The following NAALADL2 variants were observed in gnomAD, a reference collection of about 807,000 sequenced individuals.
The protein encoded by NAALADL2 is N-acetylated alpha-linked acidic dipeptidase like 2.
In NAALADL2, 76 loss-of-function variants were observed where a neutral mutation model predicts 87.2. The ratio of observed to expected loss-of-function variants is 0.87; its 90% CI spans 0.72 to 1.05. The LOEUF (loss-of-function observed/expected upper bound fraction) is 1.05, where lower values mean the gene tolerates loss of function less well. Ranked by LOEUF, NAALADL2 falls within the 50% of genes least tolerant of loss-of-function variation. The pLI is 0.00. For synonymous variants in NAALADL2, 354 were observed against 331.0 expected (o/e 1.07, Z -0.75); for missense variants, 1,089 against 945.8 (o/e 1.15, Z -1.99).
intron 5 of NAALADL2, among the ~76,000 whole-genome samples, chr3:175,380,213 AAAAT>A (rs1767631191): frequency 1.3e-5 from 2 of 152,156 alleles, no homozygotes; most frequent in African/African-American, 4.8e-5. Flanking sequence ...AATAATTAAA[AAAAT>A]AAATTAATTA....
At chr3:175,271,525 C>T (rs978666936) in intron 4 of NAALADL2, among the ~76,000 whole-genome samples, 1 of 152,178 alleles carries the variant, frequency 6.6e-6, no homozygotes, top group African/African-American at 2.4e-5. Flanking sequence ...GGTGTGGTGG[C>T]TCACATCTGT....
At chr3:175,199,856 ATATATATATTTTTTTTTTT>A (rs1395698296) in intron 2 of NAALADL2, among the ~76,000 whole-genome samples, 41 of 19,428 alleles carry the variant, frequency 2.1e-3, no homozygotes, top group Non-Finnish European at 2.9e-3. Context: ...ATATATATAT[ATATATATATTTTTTTTTTT>A]TTTTTTTTTT....
chr3:175,002,223 C>G (rs1748345245), intron 1 of NAALADL2, among the ~76,000 whole-genome samples: 1 of 152,006 alleles, frequency 6.6e-6, no homozygotes, highest in South Asian at 2.1e-4. Context: ...TTGCAGATAC[C>G]CCTATGGGTA....
rs1408169414 is a variant in NAALADL2, at chr3:175,011,272, C to CAG, written c.44-85512_44-85511dup. On this transcript the variant is annotated intron_variant, in intron 1 of 13. Coordinates refer to ENST00000454872, the MANE Select transcript of NAALADL2 (RefSeq NM_207015.3). Reference sequence around the variant, plus strand: ...AGAGACAGAGAGAGAGGGAGAGAGACAGAGAGACAGAGAGAGAGAGAGAGA... The same window carrying CAG: ...AGAGACAGAGAGAGAGGGAGAGAGACAGAGAGAGACAGAGAGAGAGAGAGAGA... Among the ~76,000 whole-genome samples, 996 of 110,242 alleles carry CAG rather than the reference C, an allele frequency of 9.0e-3. 24 individuals carry two copies. Among genetic ancestry groups the CAG allele is most frequent in the African/African-American group, 0.027 (868 of 31,970 alleles). The allele number at this position is 110,242 out of a possible 152,430, so 72.3% of individuals were successfully genotyped here.
intron 1 of NAALADL2, among the ~76,000 whole-genome samples, chr3:174,895,942 T>A (rs922847936): frequency 3.9e-5 from 6 of 151,992 alleles, no homozygotes; most frequent in African/African-American, 1.4e-4. Context: ...AAGAAAAAAA[T>A]ATGATTATTC....
intron 3 of NAALADL2, among the ~76,000 whole-genome samples, chr3:174,799,365 A>C (rs774317142): frequency 1.2e-3 from 181 of 151,974 alleles, no homozygotes; most frequent in Non-Finnish European, 2.2e-3. Context: ...ACTTGGTGGG[A>C]GGTAACTGAA....
chr3:174,529,716 C>A (rs1721070144), intron 1 of NAALADL2, among the ~76,000 whole-genome samples: 1 of 152,192 alleles, frequency 6.6e-6, no homozygotes, highest in South Asian at 2.1e-4. Flanking sequence ...AGGCTGACAC[C>A]ATGTGGAAGC....
At chr3:175,325,220 T>C (rs113711590) in intron 5 of NAALADL2, among the ~76,000 whole-genome samples, 1,660 of 152,340 alleles carry the variant, frequency 0.011, 10 homozygotes, top group African/African-American at 0.023. Flanking sequence ...CTGCCTATTC[T>C]ATGTTAACTT....
chr3:174,684,330 G>T (rs531664723), intron 2 of NAALADL2, among the ~76,000 whole-genome samples: 2 of 152,082 alleles, frequency 1.3e-5, no homozygotes, highest in Non-Finnish European at 2.9e-5. Flanking sequence ...ATTATTAAAA[G>T]AATAAGTAAC....
Position 174,719,219 on chromosome 3 carries a change from C to T in NAALADL2, c.-114-18422C>T, listed in dbSNP as rs116068996. Among the ~76,000 whole-genome samples, 939 of 152,276 alleles carry T rather than the reference C, an allele frequency of 6.2e-3. 6 individuals are homozygous for T. Among genetic ancestry groups the T allele is most frequent in the African/African-American group, 0.021 (890 of 41,560 alleles). On this transcript the variant is annotated intron_variant, in intron 2 of 3. Coordinates refer to the NAALADL2 transcript ENST00000434257. Reference sequence around the variant, plus strand: ...AGAAATTAACATTTGTACCACCTCTCATATAGATGGCACTAGGTAACATTA... The same window carrying T: ...AGAAATTAACATTTGTACCACCTCTTATATAGATGGCACTAGGTAACATTA...
intron 1 of NAALADL2, among the ~76,000 whole-genome samples, chr3:174,883,111 G>C (rs112278932): frequency 0.015 from 2,338 of 152,026 alleles, 59 homozygotes; most frequent in African/African-American, 0.054. Flanking sequence ...GGCTAGACCA[G>C]TGTATCTTTT....
intron 2 of NAALADL2, among the ~76,000 whole-genome samples, chr3:174,734,964 T>G (rs1733054332): frequency 2.0e-5 from 3 of 152,272 alleles, no homozygotes; most frequent in Admixed American, 6.5e-5. Flanking sequence ...GGGTAAGAAT[T>G]TTTTTCTAGT....
At chr3:174,894,507 T>C (rs1731246476) in intron 1 of NAALADL2, among the ~76,000 whole-genome samples, 1 of 146,246 alleles carries the variant, frequency 6.8e-6, no homozygotes, top group Non-Finnish European at 1.5e-5. Flanking sequence ...GGCACGAGGA[T>C]CGCTTGGACC....
At chr3:175,726,751 C>G (rs1247934449) in intron 11 of NAALADL2, among the ~76,000 whole-genome samples, 1 of 152,066 alleles carries the variant, frequency 6.6e-6, no homozygotes, top group Non-Finnish European at 1.5e-5. Context: ...AGGGAGTACC[C>G]AAACTAGGAT....
intron 5 of NAALADL2, among the ~76,000 whole-genome samples, chr3:175,334,324 C>G (rs1286079413): frequency 6.6e-6 from 1 of 152,050 alleles, no homozygotes; most frequent in African/African-American, 2.4e-5. Flanking sequence ...CTGATAGCTT[C>G]AATTCCAACC....
In NAALADL2 at chr3:174,795,296, C is replaced by T. The variant is rs529662659; in HGVS notation, c.-9+57550C>T. On this transcript the variant is annotated intron_variant, in intron 3 of 3. Transcript: ENST00000434257. ...ACAGGCATCAGCCACCACACCCGGCCTTCTAGTCCAGCATTTTTAATATGA... is the reference window on the plus strand; with the variant it reads ...ACAGGCATCAGCCACCACACCCGGCTTTCTAGTCCAGCATTTTTAATATGA... Among the ~76,000 whole-genome samples, 34 of 152,030 alleles carry T rather than the reference C, an allele frequency of 2.2e-4. No individual in the cohort carries two copies. The East Asian group carries it at 4.8e-3, about 22-fold the overall frequency.
chr3:174,606,379 A>G (rs943568976), intron 2 of NAALADL2, among the ~76,000 whole-genome samples: 1 of 152,198 alleles, frequency 6.6e-6, no homozygotes, highest in Non-Finnish European at 1.5e-5. Context: ...TCTGAGCTAC[A>G]GGAGCAAATT....
chr3:174,849,235 C>G (rs1560284639), intron 3 of NAALADL2, among the ~76,000 whole-genome samples: 1 of 151,990 alleles, frequency 6.6e-6, no homozygotes, highest in Non-Finnish European at 1.5e-5. Flanking sequence ...TTTCTTTCAT[C>G]AATAATAAGT....
At chr3:175,397,373 A>C (rs1451033088) in intron 5 of NAALADL2, 1 of 151,704 alleles carries the variant, frequency 6.6e-6, no homozygotes, top group Non-Finnish European at 1.5e-5. Flanking sequence ...AAACAGTTCT[A>C]AATTTTTTTT....
Sources: gnomAD v4.1 joint callset for allele counts (sites outside exome capture counted in the v4.1 genomes callset) on GRCh38, gnomAD v4.1.1 for gene constraint, MANE v1.5 for transcripts, NCBI Gene and HGNC (gene_info 2026-07-23, HGNC 2026-07-21) for gene names.